The following ABCC9 variants were observed in gnomAD, a reference collection of about 807,000 sequenced individuals.
The protein encoded by ABCC9 is ATP binding cassette subfamily C member 9, also known as ATP-binding cassette sub-family C member 9.
In ABCC9, 95 loss-of-function variants were observed where a neutral mutation model predicts 188.3. The observed-to-expected ratio is 0.50, with a 90% confidence interval of 0.43 to 0.60. The LOEUF (loss-of-function observed/expected upper bound fraction) is 0.60, where lower values mean the gene tolerates loss of function less well. Ranked by LOEUF, ABCC9 falls within the 20% of genes least tolerant of loss-of-function variation. ABCC9 has a pLI of 0.00. For missense variants in ABCC9, 1,102 were observed against 1,876.3 expected (o/e 0.59, Z 7.62); for synonymous variants, 659 against 652.7 (o/e 1.01, Z -0.15).
intron 2 of ABCC9, chr12:21,938,026 T>C (rs1373472940): frequency 6.6e-6 from 1 of 152,214 alleles, no homozygotes; most frequent in African/African-American, 2.4e-5. Flanking sequence ...ACCTTTTCTT[T>C]CTTTCCTTTC....
chr12:21,850,112 G>A (rs1299665563), intron 24 of ABCC9, among the ~76,000 whole-genome samples: 2 of 151,222 alleles, frequency 1.3e-5, no homozygotes, highest in Non-Finnish European at 2.9e-5. Context: ...ACAACGCACT[G>A]TTGCAGGGTC....
chr12:21,882,772 T>G lies in ABCC9; in HGVS notation c.2013A>C (p.Ala671=). 6.2e-7 allele frequency: 1 copy of G among 1,608,312 alleles called. No individual in the cohort carries two copies. Among genetic ancestry groups the G allele is most frequent in the Non-Finnish European group, 8.5e-7 (1 of 1,174,720 alleles). Residue 671 remains alanine, a synonymous_variant, in exon 16 of 40, where the codon GCA becomes GCC. Transcript: ENST00000261200. ...TCCAGGAAATAAAAATAACCTTTAT[T>G]GCAATGTCCTCTGTTTCTGCGGGAC... is the stretch of plus-strand genomic sequence containing the variant. ...RLRPAETEDI[A]IKVTNGYFSW...
Position 21,906,120 on chromosome 12 carries a change from A to C in ABCC9, c.1618+6T>G. 6.2e-7 allele frequency: 1 copy of C among 1,612,796 alleles called. No individual in the cohort carries two copies. Among genetic ancestry groups the C allele is most frequent in the Non-Finnish European group, 8.5e-7 (1 of 1,179,016 alleles). On this transcript the variant is annotated splice_donor_region_variant and intron_variant, in intron 12 of 39. Coordinates refer to ENST00000261200, the MANE Select transcript of ABCC9 (RefSeq NM_020297.4). Reference sequence around the variant, plus strand: ...GTCGCCTGTTCTTAGAGCAACAGCAACTTACTGGAGAGTGATGTATATAGT... The same window carrying C: ...GTCGCCTGTTCTTAGAGCAACAGCACCTTACTGGAGAGTGATGTATATAGT...
intron 24 of ABCC9, 56 bp downstream of exon 24, chr12:21,852,041 A>G: frequency 6.3e-7 from 1 of 1,598,922 alleles, no homozygotes; most frequent in Non-Finnish European, 8.6e-7. Context: ...AGTAATTAGT[A>G]AATTTCTAAC....
intron 33 of ABCC9, among the ~76,000 whole-genome samples, chr12:21,816,387 A>G (rs935387034): frequency 6.6e-6 from 1 of 152,110 alleles, no homozygotes; most frequent in African/African-American, 2.4e-5. Context: ...CAGCACCTAC[A>G]GTACTACATG....
chr12:21,804,588 A>C (rs903793402), intron 39 of ABCC9, among the ~76,000 whole-genome samples: 3 of 152,346 alleles, frequency 2.0e-5, no homozygotes, highest in East Asian at 1.9e-4. Context: ...CCTCTGGGAA[A>C]GAGGAACCAC....
chr12:21,885,345 A>G (rs1262840594), intron 15 of ABCC9, among the ~76,000 whole-genome samples: 2 of 152,206 alleles, frequency 1.3e-5, no homozygotes, highest in South Asian at 2.1e-4. Context: ...TCTGGTTTCA[A>G]TAACCCTGAA....
chr12:21,815,838 A>T lies in ABCC9; in HGVS notation c.3948T>A (p.Asp1316Glu). ...WPQEGEIKIH[D>E]LCVRYENNLK... ...GATTATTTTCATATCTGACACACAG[A>T]TCATGTATCTTGATCTCCCCTTCTT... The change falls in exon 34 of 40, where the codon GAT becomes GAA. Residue 1316 changes from aspartate (D) to glutamate (E), a missense_variant. By Grantham distance (45) the Asp-to-Glu change is conservative. This residue lies in a region of ABCC9 where 143 missense variants were observed against 225.6 expected (regional missense o/e 0.63). Transcript: ENST00000261200. The T allele has an allele frequency of 6.2e-7, 1 of 1,613,520 alleles. No homozygotes were observed. Among genetic ancestry groups the T allele is most frequent in the Non-Finnish European group, 8.5e-7 (1 of 1,179,712 alleles).
chr12:21,908,258 A>G, intron 10 of ABCC9, 47 bp from the exon 11 acceptor site: 1 of 1,603,360 alleles, frequency 6.2e-7, no homozygotes, highest in Non-Finnish European at 8.5e-7. Flanking sequence ...GGGTTGTGGG[A>G]GCCATTGCAT....
intron 18 of ABCC9, among the ~76,000 whole-genome samples, chr12:21,870,801 AAC>A (rs1229947025): frequency 2.6e-5 from 4 of 152,250 alleles, no homozygotes; most frequent in African/African-American, 9.6e-5. Flanking sequence ...TTTTAAATAA[AAC>A]AATACAAAAC....
chr12:21,866,995 A>G (rs1945814406), intron 18 of ABCC9, among the ~76,000 whole-genome samples: 1 of 152,170 alleles, frequency 6.6e-6, no homozygotes, highest in South Asian at 2.1e-4. Flanking sequence ...TTAATGCAGT[A>G]AGGTCCTGAA....
At chr12:21,845,322 T>TA (rs1944595853) in intron 26 of ABCC9, among the ~76,000 whole-genome samples, 1 of 151,820 alleles carries the variant, frequency 6.6e-6, no homozygotes, top group African/African-American at 2.4e-5. Context: ...TATATATGTA[T>TA]AACATATATA....
intron 38 of ABCC9, 32 bp downstream of exon 38, chr12:21,807,314 G>C: frequency 6.2e-7 from 1 of 1,613,288 alleles, no homozygotes; most frequent in Non-Finnish European, 8.5e-7. Flanking sequence ...TCTCCAATTC[G>C]TCAATTTTAA....
chr12:21,892,764 T>C (rs1305788509), intron 14 of ABCC9, among the ~76,000 whole-genome samples: 1 of 152,224 alleles, frequency 6.6e-6, no homozygotes, highest in East Asian at 1.9e-4. Context: ...TAAGTGATTG[T>C]TAAGCAAATG....
Position 21,908,154 on chromosome 12 carries a change from C to CA in ABCC9, c.1377dup (p.Ala460CysfsTer27). On this transcript the variant is annotated frameshift_variant, in exon 11 of 40. Transcript: ENST00000261200. LOFTEE classifies it high-confidence loss of function. ...GGCGCAAGGAGCACAATGACAGCTGCACCGACCAATGCACTTGATCCAAGT... is the reference window on the plus strand; with the variant it reads ...GGCGCAAGGAGCACAATGACAGCTGCAACCGACCAATGCACTTGATCCAAGT... 6.2e-7 allele frequency: 1 copy of CA among 1,612,690 alleles called. No individual in the cohort carries two copies. The highest frequency in any genetic ancestry group is 8.5e-7 in the Non-Finnish European group (1 of 1,179,106).
chr12:21,812,272 T>C (rs917855465), intron 35 of ABCC9, 115 bp from the exon 36 acceptor site: 67 of 772,620 alleles, frequency 8.7e-5, no homozygotes, highest in South Asian at 4.9e-4. Flanking sequence ...GAGACCCACT[T>C]TTCCATTTAA....
Position 21,915,514 on chromosome 12 carries a change from A to ATATATATATATTTTTT in ABCC9, c.816+153_816+154insAAAAAATATATATATA. Among the ~76,000 whole-genome samples, 29 of 3,520 alleles carry ATATATATATATTTTTT rather than the reference A, an allele frequency of 8.2e-3. 4 individuals are homozygous for ATATATATATATTTTTT. Among genetic ancestry groups the ATATATATATATTTTTT allele is most frequent in the African/African-American group, 0.029 (27 of 922 alleles). 2.3% of individuals were successfully genotyped at this position (3,520 alleles called of 152,430 possible). A position where few individuals can be genotyped will look rare whatever the true frequency, so the allele number is the denominator to read the frequency against. On this transcript the variant is annotated intron_variant, in intron 7 of 39. Coordinates refer to ENST00000261200, the MANE Select transcript of ABCC9 (RefSeq NM_020297.4). ...TGTGTGTGTGTGTATATATATATAT[A>ATATATATATATTTTTT]TTTTTTTTTTTTTTTTGAGACAGAG...
intron 14 of ABCC9, 51 bp from the exon 15 acceptor site, chr12:21,887,985 A>C: frequency 2.2e-6 from 3 of 1,342,722 alleles, no homozygotes; most frequent in Non-Finnish European, 3.2e-6. Context: ...AACCACCACC[A>C]ACAAAGTGCT....
intron 11 of ABCC9, 130 bp from the exon 12 acceptor site, chr12:21,906,418 G>A (rs779866275): frequency 7.7e-6 from 7 of 905,338 alleles, no homozygotes; most frequent in Non-Finnish European, 1.2e-5. Context: ...ATTAGGTTGT[G>A]AAGTTCCCAG....
Sources: allele counts gnomAD v4.1 joint callset (sites outside exome capture counted in the v4.1 genomes callset), GRCh38; gene constraint gnomAD v4.1.1; regional missense constraint gnomAD v4.1.1; transcripts MANE v1.5; gene names NCBI Gene and HGNC (gene_info 2026-07-23, HGNC 2026-07-21).